The following ERBB3 variants were observed in gnomAD, a reference collection of about 807,000 sequenced individuals.
ERBB3 encodes the protein receptor tyrosine-protein kinase erbB-3.
A neutral mutation model predicts 156.7 loss-of-function variants in ERBB3; 96 were observed. The observed-to-expected ratio is 0.61, with a 90% CI of 0.52 to 0.73. The LOEUF is 0.73. ERBB3 is among the 30% of genes least tolerant of loss of function. ERBB3 has a pLI of 0.00. For missense variants in ERBB3, 1,406 were observed against 1,709.4 expected, an observed-to-expected ratio of 0.82 and a Z score of 3.13; for synonymous variants, 567 against 632.0, an observed-to-expected ratio of 0.90 and a Z score of 1.54.
At chr12:56,084,778 G>A (rs1303153105) in intron 2 of ERBB3, among the ~76,000 whole-genome samples, 1 of 152,028 alleles carries the variant, frequency 6.6e-6, no homozygotes, top group East Asian at 1.9e-4. Context: ...AACCCGGGAG[G>A]TGGAGGTTGT....
chr12:56,100,748 T>A (rs1869063939), intron 26 of ERBB3, among the ~76,000 whole-genome samples: 1 of 151,620 alleles, frequency 6.6e-6, no homozygotes, highest in Non-Finnish European at 1.5e-5. Context: ...GAGACCAGCC[T>A]GACCAACATG....
intron 20 of ERBB3, 64 bp from the exon 21 acceptor site, chr12:56,097,720 GA>G: frequency 1.3e-6 from 2 of 1,528,746 alleles, no homozygotes; most frequent in South Asian, 2.2e-5. Context: ...AGATTTGGGG[GA>G]ATTCCAGATC....
At chr12:56,090,717 C>G (rs1868653269) in intron 9 of ERBB3, among the ~76,000 whole-genome samples, 1 of 152,108 alleles carries the variant, frequency 6.6e-6, no homozygotes, top group African/African-American at 2.4e-5. Context: ...CACACACACA[C>G]ACAAAACACA....
intron 23 of ERBB3, among the ~76,000 whole-genome samples, chr12:56,099,322 G>C (rs548565641): frequency 4.0e-5 from 6 of 150,034 alleles, no homozygotes; most frequent in African/African-American, 9.8e-5. Context: ...TTTTTTTATG[G>C]AGTCTCGCTC....
Position 56,093,333 on chromosome 12 carries a change from C to G in ERBB3, c.1275-12C>G, listed in dbSNP as rs544165333. 35 of 1,610,088 alleles carry G rather than the reference C, an allele frequency of 2.2e-5. 1 individual carries two copies. In the South Asian group the frequency reaches 3.7e-4, roughly 17 times the overall value. ...AGTAGTCTCTCCTCTCATCCTGTCT[C>G]CTTATTCTCAGCCGGGGCTTCTCAT... On this transcript the variant is annotated splice_polypyrimidine_tract_variant and intron_variant, in intron 11 of 27. Coordinates refer to ENST00000267101, the MANE Select transcript of ERBB3 (RefSeq NM_001982.4).
Position 56,097,153 on chromosome 12 carries a change from CTGCTGGATCA to C in ERBB3, c.2386_2395del (p.Leu796Ter). On this transcript the variant is annotated frameshift_variant, in exon 20 of 28. Transcript: ENST00000267101. LOFTEE classifies it high-confidence loss of function. ...CACTCAATATTTGCCTCTGGGTTCT[CTGCTGGATCA>C]TGTGAGACAACACCGGGGGGCACTG... 3.1e-6 allele frequency: 5 copies of C among 1,614,180 alleles called. No individual in the cohort carries two copies. Among genetic ancestry groups the C allele is most frequent in the Non-Finnish European group, 4.2e-6 (5 of 1,180,042 alleles).
Position 56,083,878 on chromosome 12 carries a change from C to A in ERBB3, c.210C>A (p.His70Gln), listed in dbSNP as rs773189933. 6.2e-7 allele frequency: 1 copy of A among 1,614,110 alleles called. No homozygotes were observed. The highest frequency in any genetic ancestry group is 2.2e-5 in the East Asian group (1 of 44,884). The change falls in exon 2 of 28, where the codon CAC (histidine) becomes CAA (glutamine). Residue 70 changes from histidine (H) to glutamine (Q), a missense_variant. His to Gln is a conservative substitution (Grantham distance 24). Coordinates refer to ENST00000267101, the MANE Select transcript of ERBB3 (RefSeq NM_001982.4). ...ACCTTGAGATTGTGCTCACGGGACA[C>A]AATGCCGACCTCTCCTTCCTGCAGG... ...MGNLEIVLTGHNADLSFLQWI... is the reference protein window; with the variant it reads ...MGNLEIVLTGQNADLSFLQWI...
intron 21 of ERBB3, 117 bp downstream of exon 21, chr12:56,098,057 G>C (rs916556772): frequency 1.0e-6 from 1 of 973,174 alleles, no homozygotes; most frequent in Non-Finnish European, 1.6e-6. Flanking sequence ...AGGAGAGAAG[G>C]CTGCAGATGC....
At position 56,088,564 on chromosome 12, in the gene ERBB3, C is replaced by T. The variant is rs1451347222; in HGVS notation, c.896C>T (p.Thr299Ile). The stretch of plus-strand genomic sequence containing the variant: ...CTAGATAACTTTGTGGTGGATCAAA[C>T]ATCCTGTGTCAGGGCCTGTCCTCCT... ...SCPHNFVVDQTSCVRACPPDK... is the reference protein window; with the variant it reads ...SCPHNFVVDQISCVRACPPDK... The change falls in exon 8 of 28, where the codon ACA becomes ATA. Residue 299 changes from threonine to isoleucine, a missense_variant. Physicochemically the swap from Thr to Ile is moderately conservative, Grantham distance 89 (BLOSUM62 -1). Coordinates refer to ENST00000267101, the MANE Select transcript of ERBB3 (RefSeq NM_001982.4). The T allele has an allele frequency of 2.0e-5, 33 of 1,613,654 alleles. No homozygotes were observed. The highest frequency in any genetic ancestry group is 4.0e-5 in the African/African-American group (3 of 74,910).
Position 56,085,067 on chromosome 12 carries a change from C to G in ERBB3, c.307C>G (p.Arg103Gly), listed in dbSNP as rs146486757. 6.2e-7 allele frequency: 1 copy of G among 1,614,106 alleles called. No homozygotes were observed. The highest frequency in any genetic ancestry group is 8.5e-7 in the Non-Finnish European group (1 of 1,180,028). Reference protein sequence around the residue: ...EFSTLPLPNLRVVRGTQVYDG... With the variant: ...EFSTLPLPNLGVVRGTQVYDG... ...CTCTACTCTACCATTGCCCAACCTCCGCGTGGTGCGAGGGACCCAGGTCTA... is the reference window on the plus strand; with the variant it reads ...CTCTACTCTACCATTGCCCAACCTCGGCGTGGTGCGAGGGACCCAGGTCTA... The change falls in exon 3 of 28, where the codon CGC becomes GGC. Residue 103 changes from arginine (R) to glycine (G), a missense_variant. Around this residue, in one of 3 missense-constraint regions of ERBB3, gnomAD observed 979 missense variants for 1,219.6 expected, o/e 0.80. Transcript: ENST00000267101.
At chr12:56,083,186 T>TG (rs1868375802) in intron 1 of ERBB3, 1 of 181,390 alleles carries the variant, frequency 5.5e-6, no homozygotes, top group African/African-American at 2.4e-5. Context: ...AGGGACAGGG[T>TG]GGGGCAGCCC....
rs773926940 is a variant in ERBB3, at chr12:56,097,811, T to C, written c.2487T>C (p.Gly829=). Residue 829 remains glycine (G), a synonymous_variant, in exon 21 of 28, where the codon GGT becomes GGC. Coordinates refer to ENST00000267101, the MANE Select transcript of ERBB3 (RefSeq NM_001982.4). ...GAATGTACTACCTTGAGGAACATGGTATGGTGCATAGAAACCTGGCTGCCC... is the reference window on the plus strand; with the variant it reads ...GAATGTACTACCTTGAGGAACATGGCATGGTGCATAGAAACCTGGCTGCCC... ...AKGMYYLEEH[G]MVHRNLAARN... The C allele has an allele frequency of 1.9e-6, 3 of 1,613,998 alleles. No individual in the cohort carries two copies. Among genetic ancestry groups the C allele is most frequent in the African/African-American group, 2.7e-5 (2 of 75,000 alleles).
At chr12:56,084,478 C>T (rs1868406997) in intron 2 of ERBB3, among the ~76,000 whole-genome samples, 1 of 151,754 alleles carries the variant, frequency 6.6e-6, no homozygotes, top group East Asian at 1.9e-4. Context: ...GGTATGGTGG[C>T]ATGCACCTGT....
chr12:56,101,587 T>C lies in ERBB3; in HGVS notation c.3561T>C (p.Gly1187=). ...LSSVGLSSVL[G]TEEEDEDEEY... ...CAGTGGGTCTCAGTTCTGTCCTGGG[T>C]ACTGAAGAAGAAGATGAAGATGAGG... is the stretch of plus-strand genomic sequence containing the variant. Residue 1187 remains glycine (G), a synonymous_variant, in exon 28 of 28, where the codon GGT becomes GGC. Transcript: ENST00000267101. 1 of 1,613,844 alleles carries C rather than the reference T, an allele frequency of 6.2e-7. No individual in the cohort carries two copies. Among genetic ancestry groups the C allele is most frequent in the Non-Finnish European group, 8.5e-7 (1 of 1,179,946 alleles).
At chr12:56,100,084 A>G (rs1488403032) in intron 25 of ERBB3, 55 bp downstream of exon 25, 2 of 1,596,898 alleles carry the variant, frequency 1.3e-6, no homozygotes, top group Non-Finnish European at 1.7e-6. Context: ...CACAAACCCT[A>G]CAGATACCCA....
Position 56,095,186 on chromosome 12 carries a change from A to G in ERBB3, c.1860-71A>G, listed in dbSNP as rs374868499. 5.4e-5 allele frequency: 64 copies of G among 1,181,792 alleles called. No individual in the cohort carries two copies. The African/African-American group carries it at 7.4e-4, about 14-fold the overall frequency. 73.2% of individuals were successfully genotyped at this position (1,181,792 alleles called of 1,614,324 possible). A position where few individuals can be genotyped will look rare whatever the true frequency, so the allele number is the denominator to read the frequency against. ...ACGGTAAGTTCTGAAACAAGCTTTT[A>G]TATGTTAGGCTGTTGAAATTGAGCC... On this transcript the variant is annotated intron_variant, in intron 15 of 27. Coordinates refer to ENST00000267101, the MANE Select transcript of ERBB3 (RefSeq NM_001982.4).
rs779857851 is a variant in ERBB3 at position 56,088,707 on chromosome 12, C to T, written c.989-41C>T. The stretch of plus-strand genomic sequence containing the variant: ...TAAAGAGACAGCCTTTCCTCTGAGC[C>T]TGCGCAGACCACCCCCACTGAACCT... On this transcript the variant is annotated intron_variant, in intron 8 of 27. Transcript: ENST00000267101. 5.0e-6 allele frequency: 8 copies of T among 1,613,988 alleles called. No individual in the cohort carries two copies. The African/African-American group carries it at 6.7e-5, about 13-fold the overall frequency.
rs1565861449 is a variant in ERBB3 at position 56,100,021 on chromosome 12, C to T, written c.3121C>T (p.Pro1041Ser). 6.2e-7 allele frequency: 1 copy of T among 1,614,192 alleles called. No homozygotes were observed. Among genetic ancestry groups the T allele is most frequent in the East Asian group, 2.2e-5 (1 of 44,886 alleles). ...LSLPVGTLNR[P>S]RGSQSLLSPS... ...CCTACCAGTTGGAACACTTAATCGG[C>T]CACGTGGGGTAAGACAACTTCTAAT... is the stretch of plus-strand genomic sequence containing the variant. Residue 1041 changes from proline to serine, a missense_variant, in exon 25 of 28, where the codon CCA becomes TCA. Transcript: ENST00000267101.
At chr12:56,089,567 A>G (rs1868600921) in intron 9 of ERBB3, among the ~76,000 whole-genome samples, 1 of 152,090 alleles carries the variant, frequency 6.6e-6, no homozygotes, top group East Asian at 1.9e-4. Context: ...ACATGGTGAA[A>G]TGCCATCTCT....
Sources: allele counts gnomAD v4.1 joint callset (sites outside exome capture counted in the v4.1 genomes callset), GRCh38; gene constraint gnomAD v4.1.1; regional missense constraint gnomAD v4.1.1; transcripts MANE v1.5; gene names NCBI Gene and HGNC (gene_info 2026-07-23, HGNC 2026-07-21).